CACNB4: variants seen among roughly 807,000 people sequenced by gnomAD.
CACNB4 encodes the protein voltage-dependent L-type calcium channel subunit beta-4.
CACNB4 carries 32 observed loss-of-function variants against 71.2 expected under a neutral mutation model. The ratio of observed to expected loss-of-function variants is 0.45; its 90% CI spans 0.34 to 0.60. The LOEUF is 0.60. CACNB4 is among the 20% of genes least tolerant of loss of function. CACNB4 has a pLI of 0.01. For missense variants in CACNB4, 464 were observed against 647.9 expected (o/e 0.72, Z 3.08); for synonymous variants, 231 against 236.9 (o/e 0.97, Z 0.23).
At chr2:151,961,424 T>C (rs957013711) in intron 2 of CACNB4, among the ~76,000 whole-genome samples, 1 of 152,332 alleles carries the variant, frequency 6.6e-6, no homozygotes, top group East Asian at 1.9e-4. Context: ...TTGCTAGACA[T>C]TTTGTTGAAG....
chr2:152,054,075 A>T (rs993390961), intron 2 of CACNB4, among the ~76,000 whole-genome samples: 4 of 152,024 alleles, frequency 2.6e-5, no homozygotes, highest in African/African-American at 9.7e-5. Context: ...ACACTTAAGA[A>T]GTATTGTGTT....
intron 8 of CACNB4, chr2:151,869,955 C>G: frequency 2.1e-6 from 1 of 481,796 alleles, no homozygotes; most frequent in East Asian, 3.6e-5. Context: ...AAAGTCAAAA[C>G]AAACATCTGA....
intron 2 of CACNB4, among the ~76,000 whole-genome samples, chr2:151,999,718 C>A (rs1682288563): frequency 6.6e-6 from 1 of 152,130 alleles, no homozygotes. Flanking sequence ...TGTTTAGGTA[C>A]CAAGGCTATG....
intron 2 of CACNB4, among the ~76,000 whole-genome samples, chr2:151,999,191 G>A (rs1221491991): frequency 2.0e-5 from 3 of 152,076 alleles, no homozygotes; most frequent in Non-Finnish European, 4.4e-5. Flanking sequence ...GGCGCAGGTG[G>A]TGCTTCTTCC....
Position 151,871,145 on chromosome 2 carries a change from C to T in CACNB4, c.599-284G>A, listed in dbSNP as rs2099844517. The T allele has an allele frequency of 1.3e-5, 6 of 450,678 alleles. No individual in the cohort carries two copies. In the South Asian group the frequency reaches 2.1e-4, roughly 16 times the overall value. The allele number at this position is 450,678 out of a possible 1,614,324, so 27.9% of individuals were successfully genotyped here. A position where few individuals can be genotyped will look rare whatever the true frequency, so the allele number is the denominator to read the frequency against. ...GAGTTGAGAGCAACACTGGAAGTTC[C>T]GGGCCAGCCAATCACCATGGGTTGT... On this transcript the variant is annotated intron_variant, in intron 6 of 13. Coordinates refer to ENST00000539935, the MANE Select transcript of CACNB4 (RefSeq NM_000726.5).
At chr2:151,961,001 G>C (rs1258512178) in intron 2 of CACNB4, among the ~76,000 whole-genome samples, 2 of 152,152 alleles carry the variant, frequency 1.3e-5, no homozygotes, top group Non-Finnish European at 2.9e-5. Context: ...GTCTGTTTTA[G>C]CTTGACTAAA....
At chr2:152,020,942 G>T (rs1055944849) in intron 2 of CACNB4, among the ~76,000 whole-genome samples, 1 of 152,158 alleles carries the variant, frequency 6.6e-6, no homozygotes, top group African/African-American at 2.4e-5. Flanking sequence ...GAAACTACTA[G>T]CACAGAGACT....
intron 2 of CACNB4, among the ~76,000 whole-genome samples, chr2:151,984,282 T>G (rs1681207610): frequency 6.6e-6 from 1 of 152,150 alleles, no homozygotes; most frequent in South Asian, 2.1e-4. Flanking sequence ...ATAAATACAT[T>G]GTTATGGCTC....
chr2:151,899,062 C>T (rs369395797), intron 2 of CACNB4, among the ~76,000 whole-genome samples: 5 of 152,332 alleles, frequency 3.3e-5, no homozygotes, highest in African/African-American at 9.6e-5. Context: ...ATCAGAGAGA[C>T]CCACAGTGCA....
chr2:151,903,739 G>A lies in CACNB4; in HGVS notation c.148-20369C>T, dbSNP rs570819095. On this transcript the variant is annotated intron_variant, in intron 2 of 13. Transcript: ENST00000539935. ...GGTAAAATACTTGTTGTATAAGGTA[G>A]GTACATACTCTGAAAGCTCCCTGCT... 6.6e-4 allele frequency among the ~76,000 whole-genome samples: 100 copies of A among 152,280 alleles called. 2 individuals carry two copies. Among genetic ancestry groups the A allele is most frequent in the East Asian group, 1.4e-3 (7 of 5,178 alleles).
At chr2:151,990,317 A>G (rs76580553) in intron 2 of CACNB4, among the ~76,000 whole-genome samples, 15,495 of 152,152 alleles carry the variant, frequency 0.1, 1,090 homozygotes, top group East Asian at 0.26. Flanking sequence ...GCTCCTCAAA[A>G]ACTATCTCAC....
chr2:151,993,907 C>T (rs1046332131), intron 2 of CACNB4, among the ~76,000 whole-genome samples: 3 of 150,264 alleles, frequency 2.0e-5, no homozygotes, highest in Non-Finnish European at 3.0e-5. Context: ...CACAGTGGCT[C>T]ATGCCTGTAA....
chr2:152,075,403 C>G (rs751678637), intron 2 of CACNB4, among the ~76,000 whole-genome samples: 1 of 152,066 alleles, frequency 6.6e-6, no homozygotes, highest in African/African-American at 2.4e-5. Context: ...TTACTCTGAG[C>G]GTATTAAGGG....
In CACNB4 at chr2:151,867,526, C is replaced by T. The variant is rs577289147; in HGVS notation, c.758+1651G>A. The T allele has an allele frequency of 5.9e-5, 9 of 152,240 alleles. No individual in the cohort carries two copies. In the South Asian group the frequency reaches 1.7e-3, roughly 28 times the overall value. The allele number at this position is 152,240 out of a possible 1,614,324, so 9.4% of individuals were successfully genotyped here. ...AACTCCAATGCTCTAGGATTCAGGG[C>T]TTTTAACTTATTTTCTTTGAAGCTA... On this transcript the variant is annotated intron_variant, in intron 9 of 13. Coordinates refer to ENST00000539935, the MANE Select transcript of CACNB4 (RefSeq NM_000726.5).
rs70974818 is a variant in CACNB4, at chr2:152,029,507, A to AAAAAGAAAAGAAAAG, written c.147+68808_147+68822dup. On this transcript the variant is annotated intron_variant, in intron 2 of 13. Coordinates refer to ENST00000539935, the MANE Select transcript of CACNB4 (RefSeq NM_000726.5). ...AGACTCGATCTCAAAAAAAAAAAAA[A>AAAAAGAAAAGAAAAG]AAAAGAAAAGAAAAGAAAAGAAAAG... Among the ~76,000 whole-genome samples the AAAAAGAAAAGAAAAG allele has an allele frequency of 5.4e-4, 57 of 104,766 alleles. 1 individual carries two copies. The highest frequency in any genetic ancestry group is 7.4e-4 in the Admixed American group (7 of 9,456). 68.7% of individuals were successfully genotyped at this position (104,766 alleles called of 152,430 possible).
intron 2 of CACNB4, among the ~76,000 whole-genome samples, chr2:151,902,320 T>C (rs1028014393): frequency 7.2e-5 from 11 of 152,166 alleles, no homozygotes; most frequent in African/African-American, 2.4e-4. Flanking sequence ...AATGAGCCAG[T>C]GCACTCAGAC....
At chr2:152,067,336 T>C (rs1368219205) in intron 2 of CACNB4, among the ~76,000 whole-genome samples, 1 of 150,736 alleles carries the variant, frequency 6.6e-6, no homozygotes, top group Non-Finnish European at 1.5e-5. Flanking sequence ...TTCTCAGCAG[T>C]GGTCAGTTTG....
intron 2 of CACNB4, among the ~76,000 whole-genome samples, chr2:151,962,186 T>G (rs764565898): frequency 2.6e-5 from 4 of 152,208 alleles, no homozygotes; most frequent in African/African-American, 9.6e-5. Context: ...GCTGTATCCA[T>G]CCACAGGGAA....
At chr2:152,046,453 TATGGCTGGTTTCAACTTG>T (rs1685146791) in intron 2 of CACNB4, among the ~76,000 whole-genome samples, 1 of 152,236 alleles carries the variant, frequency 6.6e-6, no homozygotes, top group South Asian at 2.1e-4. Context: ...TGCCTACAGC[TATGGCTGGTTTCAACTTG>T]ACTGCTGCAA....
Sources: allele counts gnomAD v4.1 joint callset (sites outside exome capture counted in the v4.1 genomes callset), GRCh38; gene constraint gnomAD v4.1.1; transcripts MANE v1.5; gene names NCBI Gene and HGNC (gene_info 2026-07-23, HGNC 2026-07-21).